ARB2A: variants seen among roughly 807,000 people sequenced by gnomAD.
The protein encoded by ARB2A is cotranscriptional regulator ARB2A.
chr5:93,713,072 T>C, the ARB2A span, among the ~76,000 whole-genome samples: 14 of 152,168 alleles, frequency 9.2e-5, no homozygotes, highest in African/African-American at 3.4e-4. Context: ...GGATTAAAGA[T>C]TTAAATCTAA....
the ARB2A span, among the ~76,000 whole-genome samples, chr5:93,657,001 C>T: frequency 2.6e-5 from 4 of 151,998 alleles, no homozygotes; most frequent in Non-Finnish European, 4.4e-5. Context: ...GTGTGAACTG[C>T]GGATATGGAA....
the ARB2A span, among the ~76,000 whole-genome samples, chr5:93,875,914 G>T: frequency 2.8e-4 from 42 of 152,172 alleles, no homozygotes; most frequent in Admixed American, 7.2e-4. Context: ...GAAAAGCAGT[G>T]TATCTGTAGT....
chr5:93,635,940 A>G, the ARB2A span, among the ~76,000 whole-genome samples: 1 of 152,236 alleles, frequency 6.6e-6, no homozygotes, highest in East Asian at 1.9e-4. Context: ...ACAATTAACC[A>G]TAAAATTTAT....
chr5:93,981,132 G>A, the ARB2A span, among the ~76,000 whole-genome samples: 2,624 of 150,652 alleles, frequency 0.017, 82 homozygotes, highest in African/African-American at 0.06. Flanking sequence ...GCAATGGCGC[G>A]ATCTCGGCTC....
chr5:93,858,445 A>G, the ARB2A span, among the ~76,000 whole-genome samples: 1 of 152,222 alleles, frequency 6.6e-6, no homozygotes. Flanking sequence ...GGCTTTTCTA[A>G]GGATAGCCAT....
At chr5:93,859,058 T>G in the ARB2A span, among the ~76,000 whole-genome samples, 2 of 152,012 alleles carry the variant, frequency 1.3e-5, no homozygotes, top group Non-Finnish European at 2.9e-5. Context: ...TAGATAGACA[T>G]TTGAAAGGAA....
the ARB2A span, among the ~76,000 whole-genome samples, chr5:94,106,814 A>G: frequency 4.1e-5 from 6 of 144,786 alleles, no homozygotes; most frequent in Admixed American, 4.2e-4. Flanking sequence ...GAATAAAATC[A>G]TGTCCTTTAC....
chr5:93,756,439 A>C, the ARB2A span, among the ~76,000 whole-genome samples: 3 of 152,164 alleles, frequency 2.0e-5, no homozygotes, highest in Non-Finnish European at 4.4e-5. Flanking sequence ...TAAAGCATTA[A>C]ACCGCCAAAC....
At chr5:93,982,626 C>CA in the ARB2A span, among the ~76,000 whole-genome samples, 11 of 152,192 alleles carry the variant, frequency 7.2e-5, no homozygotes, top group Admixed American at 2.6e-4. Context: ...TTCAGAAACT[C>CA]AGATAGCACA....
At chr5:93,687,759 T>C in the ARB2A span, among the ~76,000 whole-genome samples, 1 of 152,152 alleles carries the variant, frequency 6.6e-6, no homozygotes. Flanking sequence ...GTGGTATGCT[T>C]AGGGAATTTA....
the ARB2A span, among the ~76,000 whole-genome samples, chr5:93,687,895 TTC>T: frequency 2.6e-5 from 4 of 152,174 alleles, no homozygotes; most frequent in Non-Finnish European, 5.9e-5. Flanking sequence ...ATCTTCCCTT[TTC>T]TTTCTTCACC....
the ARB2A span, chr5:94,074,764 G>A: frequency 6.3e-7 from 1 of 1,593,954 alleles, no homozygotes; most frequent in African/African-American, 1.3e-5. Flanking sequence ...ATCTTCAGAA[G>A]ACAGTCTAGA....
At chr5:93,658,939 G>A in the ARB2A span, among the ~76,000 whole-genome samples, 4 of 147,774 alleles carry the variant, frequency 2.7e-5, no homozygotes, top group South Asian at 8.9e-4. Flanking sequence ...AACAGGGATA[G>A]GGTATGGTTA....
the ARB2A span, among the ~76,000 whole-genome samples, chr5:93,901,815 G>C: frequency 6.6e-6 from 1 of 152,016 alleles, no homozygotes; most frequent in Non-Finnish European, 1.5e-5. Context: ...TCTATAAATA[G>C]GTATACATGC....
At chr5:93,709,416 C>A in the ARB2A span, among the ~76,000 whole-genome samples, 4 of 151,882 alleles carry the variant, frequency 2.6e-5, no homozygotes, top group East Asian at 7.7e-4. Flanking sequence ...GGGTGGATCA[C>A]GAGGTCAGGA....
At chr5:94,050,905 T>C in the ARB2A span, 1 of 1,054,096 alleles carries the variant, frequency 9.5e-7, no homozygotes, top group Non-Finnish European at 1.4e-6. Context: ...CAACAAAGAA[T>C]GTCTGATAAA....
At chr5:94,109,941 G>C in the ARB2A span, among the ~76,000 whole-genome samples, 2 of 138,312 alleles carry the variant, frequency 1.4e-5, no homozygotes, top group South Asian at 4.7e-4. Flanking sequence ...CTGGAGTGCA[G>C]TGGCATGATG....
chr5:93,735,745 T>C, the ARB2A span: 26 of 152,184 alleles, frequency 1.7e-4, no homozygotes, highest in African/African-American at 6.3e-4. Flanking sequence ...CACTAACTTA[T>C]GTGGATCCTC....
At chr5:93,763,692 C>A in the ARB2A span, among the ~76,000 whole-genome samples, 1 of 152,308 alleles carries the variant, frequency 6.6e-6, no homozygotes, top group East Asian at 1.9e-4. Flanking sequence ...CTGCAACAAG[C>A]AGACCTAATA....
Sources: gnomAD v4.1 joint callset for allele counts (sites outside exome capture counted in the v4.1 genomes callset) on GRCh38, gnomAD v4.1.1 for gene constraint, MANE v1.5 for transcripts, NCBI Gene and HGNC (gene_info 2026-07-23, HGNC 2026-07-21) for gene names.